Variants in COL25A1 observed in about 807,000 individuals in gnomAD.
The protein encoded by COL25A1 is collagen type XXV alpha 1 chain.
A neutral mutation model predicts 128.4 loss-of-function variants in COL25A1; 103 were observed. That is an observed-to-expected ratio of 0.80 (90% CI 0.68 to 0.94). The LOEUF (loss-of-function observed/expected upper bound fraction) is 0.94. Among genes scored for constraint, COL25A1 ranks in the 40% least tolerant of loss-of-function variants. The pLI is 0.00. For synonymous variants in COL25A1, 279 were observed against 277.2 expected, an observed-to-expected ratio of 1.01 and a Z score of -0.06; for missense variants, 745 against 840.0, an observed-to-expected ratio of 0.89 and a Z score of 1.40.
At chr4:109,012,269 G>A (rs1561022486) in intron 5 of COL25A1, among the ~76,000 whole-genome samples, 1 of 152,218 alleles carries the variant, frequency 6.6e-6, no homozygotes, top group Non-Finnish European at 1.5e-5. Context: ...ATGTAACTAT[G>A]GATCTTTCCA....
rs141065965 is a variant in COL25A1, at chr4:108,953,438, G to A, written c.493-12001C>T. Among the ~76,000 whole-genome samples the A allele has an allele frequency of 7.0e-3, 1,067 of 152,276 alleles. 2 individuals carry two copies. Among genetic ancestry groups the A allele is most frequent in the Admixed American group, 0.015 (230 of 15,290 alleles). ...TAAAATATTTATTGCAATTTAGGAC[G>A]TTTGAACATCCTGTAATTATTTTTA... On this transcript the variant is annotated intron_variant, in intron 8 of 37. Transcript: ENST00000399132.
chr4:108,838,242 G>C, intron 31 of COL25A1: 1 of 1,131,286 alleles, frequency 8.8e-7, no homozygotes, highest in Non-Finnish European at 1.3e-6. Context: ...TGAGAGAAGA[G>C]AGCCAGTCTC....
chr4:108,879,327 T>C (rs1191181579), intron 19 of COL25A1, among the ~76,000 whole-genome samples: 1 of 152,228 alleles, frequency 6.6e-6, no homozygotes. Flanking sequence ...TGAAAATGTA[T>C]TTGCCACTAA....
chr4:108,829,387 GTATC>G (rs34296727), intron 32 of COL25A1, among the ~76,000 whole-genome samples: 67,696 of 147,448 alleles, frequency 0.46, 15,378 homozygotes, highest in Middle Eastern at 0.52. Context: ...GTGTAAGTGT[GTATC>G]TATCTATCTA....
intron 32 of COL25A1, among the ~76,000 whole-genome samples, chr4:108,827,993 T>A (rs763247850): frequency 6.6e-6 from 1 of 152,172 alleles, no homozygotes; most frequent in Admixed American, 6.5e-5. Flanking sequence ...ACAGGAGGGT[T>A]CTGGGGCCTC....
At chr4:108,926,575 T>C (rs925831201) in intron 11 of COL25A1, among the ~76,000 whole-genome samples, 10 of 152,152 alleles carry the variant, frequency 6.6e-5, no homozygotes, top group East Asian at 1.9e-4. Flanking sequence ...CATAAAACAT[T>C]AGTACCAGAC....
rs754359846 is a variant in COL25A1 at position 108,901,182 on chromosome 4, G to GA, written c.781-11dup. On this transcript the variant is annotated splice_polypyrimidine_tract_variant and intron_variant, in intron 13 of 37. Transcript: ENST00000399132. ...GCAACCCGGGCTCACCCTCAAAATA[G>GA]AAAAATAGATACTACTAAGTAAAAT... The GA allele has an allele frequency of 6.2e-7, 1 of 1,601,398 alleles. No individual in the cohort carries two copies. The highest frequency in any genetic ancestry group is 8.6e-7 in the Non-Finnish European group (1 of 1,169,404).
In COL25A1 at chr4:109,167,322, T is replaced by G. The variant is rs541511074; in HGVS notation, c.368-117143A>C. On this transcript the variant is annotated intron_variant, in intron 3 of 37. Transcript: ENST00000399132. ...AGTGAGGCAAGGGACACATCAAGAG[T>G]GAAGCCAAGTTCTTTCTGAGTTATG... Among the ~76,000 whole-genome samples the G allele has an allele frequency of 2.6e-5, 4 of 152,218 alleles. No individual in the cohort carries two copies. In the East Asian group the frequency reaches 7.7e-4, roughly 29 times the overall value.
intron 8 of COL25A1, among the ~76,000 whole-genome samples, chr4:108,954,245 T>C (rs1749795933): frequency 6.6e-6 from 1 of 152,100 alleles, no homozygotes; most frequent in African/African-American, 2.4e-5. Flanking sequence ...ATCTAAACTT[T>C]AGAATGATAT....
At chr4:109,123,152 C>T (rs1768265823) in intron 3 of COL25A1, among the ~76,000 whole-genome samples, 1 of 151,884 alleles carries the variant, frequency 6.6e-6, no homozygotes, top group African/African-American at 2.4e-5. Context: ...AAGTGTAGGG[C>T]AGAATATTCA....
chr4:109,009,031 AG>A (rs1236664566), intron 6 of COL25A1, among the ~76,000 whole-genome samples: 11 of 152,322 alleles, frequency 7.2e-5, no homozygotes, highest in Non-Finnish European at 1.5e-4. Context: ...CTGAGACAGG[AG>A]AATCACTTGA....
rs758225790 is a variant in COL25A1, at chr4:108,809,503, G to A, written c.*4424C>T. ...ATGTTGGTACTTTCTTTGTTAAGTT[G>A]TTAATAAATCACACATAACGGTTTA... On this transcript the variant is annotated 3_prime_UTR_variant, in exon 38 of 38. Transcript: ENST00000399132. 2.2e-4 allele frequency: 33 copies of A among 148,454 alleles called. No homozygotes were observed. The highest frequency in any genetic ancestry group is 6.7e-4 in the South Asian group (3 of 4,478). 9.2% of individuals were successfully genotyped at this position (148,454 alleles called of 1,614,324 possible). A position where few individuals can be genotyped will look rare whatever the true frequency, so the allele number is the denominator to read the frequency against.
intron 3 of COL25A1, among the ~76,000 whole-genome samples, chr4:109,070,919 T>C (rs1762910422): frequency 6.6e-6 from 1 of 152,126 alleles, no homozygotes; most frequent in African/African-American, 2.4e-5. Flanking sequence ...CCACATTTTC[T>C]TAATCCAGCC....
chr4:109,032,023 C>G (rs1364410918), intron 5 of COL25A1, among the ~76,000 whole-genome samples: 1 of 152,162 alleles, frequency 6.6e-6, no homozygotes, highest in African/African-American at 2.4e-5. Flanking sequence ...AAACTGCATG[C>G]TCCTTGAACA....
intron 11 of COL25A1, among the ~76,000 whole-genome samples, chr4:108,926,028 T>C (rs1746014100): frequency 6.6e-6 from 1 of 152,190 alleles, no homozygotes. Context: ...CCATTATGTG[T>C]TGGCTGTACT....
At chr4:108,887,926 A>G (rs1741016260) in intron 18 of COL25A1, among the ~76,000 whole-genome samples, 1 of 152,196 alleles carries the variant, frequency 6.6e-6, no homozygotes, top group Non-Finnish European at 1.5e-5. Flanking sequence ...ACCTAAAATT[A>G]GATTGTCTGA....
intron 6 of COL25A1, among the ~76,000 whole-genome samples, chr4:109,004,510 T>C (rs1396862899): frequency 1.3e-5 from 2 of 152,026 alleles, no homozygotes; most frequent in Non-Finnish European, 2.9e-5. Context: ...CCCGCCCAAA[T>C]CTCTTGTTGA....
intron 11 of COL25A1, among the ~76,000 whole-genome samples, chr4:108,931,448 T>G (rs1421772178): frequency 6.6e-6 from 1 of 152,106 alleles, no homozygotes; most frequent in Non-Finnish European, 1.5e-5. Context: ...CAAAATTAAG[T>G]AATGAGAGAG....
intron 3 of COL25A1, among the ~76,000 whole-genome samples, chr4:109,169,843 C>T (rs560919848): frequency 6.6e-6 from 1 of 152,190 alleles, no homozygotes; most frequent in South Asian, 2.1e-4. Context: ...CAGCCTGCAT[C>T]TTTGCAACAT....
Sources: gnomAD v4.1 joint callset for allele counts (sites outside exome capture counted in the v4.1 genomes callset) on GRCh38, gnomAD v4.1.1 for gene constraint, MANE v1.5 for transcripts, NCBI Gene and HGNC (gene_info 2026-07-23, HGNC 2026-07-21) for gene names.